Variants in AGBL4 observed in about 807,000 individuals in gnomAD.
AGBL4 encodes cytosolic carboxypeptidase 6.
A neutral mutation model predicts 66.4 loss-of-function variants in AGBL4; 58 were observed. The observed-to-expected ratio is 0.87, with a 90% CI of 0.71 to 1.09. The LOEUF (loss-of-function observed/expected upper bound fraction) is 1.09, where lower values mean the gene tolerates loss of function less well. Ranked by LOEUF, AGBL4 falls within the 50% of genes least tolerant of loss-of-function variation. The pLI is 0.00. For synonymous variants in AGBL4, 234 were observed against 222.9 expected, an observed-to-expected ratio of 1.05 and a Z score of -0.44; for missense variants, 579 against 631.0, an observed-to-expected ratio of 0.92 and a Z score of 0.88.
chr1:48,735,564 G>A (rs1648907532), intron 6 of AGBL4, among the ~76,000 whole-genome samples: 2 of 151,660 alleles, frequency 1.3e-5, no homozygotes, highest in Non-Finnish European at 2.9e-5. Context: ...GAGGGAGGGA[G>A]GAAGAGAAAA....
In AGBL4 at chr1:49,609,330, C is replaced by G. The variant is rs569192145; in HGVS notation, c.282+87983G>C. 1.2e-3 allele frequency among the ~76,000 whole-genome samples: 184 copies of G among 151,830 alleles called. 2 individuals carry two copies. Among genetic ancestry groups the G allele is most frequent in the Non-Finnish European group, 2.6e-4 (18 of 67,968 alleles). ...GTATTTGATGAGAAGGAATAAAAAT[C>G]ACCAACAAATAATTAAGAGAGATTA... On this transcript the variant is annotated intron_variant, in intron 3 of 13. Transcript: ENST00000371839.
At chr1:48,541,900 G>T (rs1436307479) in intron 11 of AGBL4, among the ~76,000 whole-genome samples, 2 of 152,100 alleles carry the variant, frequency 1.3e-5, no homozygotes, top group Non-Finnish European at 2.9e-5. Context: ...GTGCAGGTTT[G>T]TTACATAGGT....
At chr1:48,575,509 G>T (rs1644638959) in intron 11 of AGBL4, among the ~76,000 whole-genome samples, 1 of 152,106 alleles carries the variant, frequency 6.6e-6, no homozygotes, top group South Asian at 2.1e-4. Context: ...GTGGTTGTGG[G>T]TCACTGGTGC....
intron 5 of AGBL4, among the ~76,000 whole-genome samples, chr1:49,045,304 C>T (rs141425364): frequency 1.2e-4 from 18 of 152,270 alleles, no homozygotes; most frequent in African/African-American, 4.3e-4. Flanking sequence ...TGCTAGAGAG[C>T]TTTATCAGCT....
intron 3 of AGBL4, among the ~76,000 whole-genome samples, chr1:49,592,804 T>G (rs749485865): frequency 6.6e-6 from 1 of 152,170 alleles, no homozygotes; most frequent in Non-Finnish European, 1.5e-5. Flanking sequence ...GTAAATTAGT[T>G]CAGCCACTGC....
chr1:48,670,617 AG>A (rs1296406966), intron 6 of AGBL4, among the ~76,000 whole-genome samples: 1 of 152,258 alleles, frequency 6.6e-6, no homozygotes, highest in Non-Finnish European at 1.5e-5. Flanking sequence ...CAGTTTCTAA[AG>A]CCCCCTTCCT....
chr1:49,715,220 G>T (rs571227685), intron 2 of AGBL4, among the ~76,000 whole-genome samples: 1 of 152,010 alleles, frequency 6.6e-6, no homozygotes, highest in Non-Finnish European at 1.5e-5. Flanking sequence ...GTGGTGTTTG[G>T]TTTTCTGTTC....
intron 3 of AGBL4, among the ~76,000 whole-genome samples, chr1:49,288,929 C>T (rs1034043860): frequency 1.1e-4 from 16 of 151,928 alleles, no homozygotes; most frequent in African/African-American, 3.4e-4. Context: ...ATAAAAGCCT[C>T]CACATTTTCC....
intron 6 of AGBL4, among the ~76,000 whole-genome samples, chr1:48,841,093 G>A (rs773957602): frequency 1.1e-4 from 16 of 152,284 alleles, no homozygotes; most frequent in Non-Finnish European, 2.2e-4. Context: ...GAACAGATCA[G>A]TGTTTGCTAG....
intron 1 of AGBL4, among the ~76,000 whole-genome samples, chr1:49,988,306 C>T (rs1296210515): frequency 6.6e-6 from 1 of 152,072 alleles, no homozygotes; most frequent in Non-Finnish European, 1.5e-5. Context: ...TTCCTAAGCA[C>T]AGTATTTGAG....
chr1:49,391,708 C>A (rs1022606149), intron 3 of AGBL4, among the ~76,000 whole-genome samples: 22 of 152,028 alleles, frequency 1.4e-4, no homozygotes, highest in African/African-American at 5.1e-4. Flanking sequence ...ACTACAGGCA[C>A]CGGCCACCAC....
chr1:49,296,383 C>G (rs1211768640), intron 3 of AGBL4, among the ~76,000 whole-genome samples: 1 of 152,142 alleles, frequency 6.6e-6, no homozygotes, highest in East Asian at 1.9e-4. Flanking sequence ...TTGAGCTCAT[C>G]CTCCTTGTCC....
At chr1:49,978,628 A>C (rs1282367322) in intron 1 of AGBL4, among the ~76,000 whole-genome samples, 1 of 152,246 alleles carries the variant, frequency 6.6e-6, no homozygotes, top group African/African-American at 2.4e-5. Context: ...GATATTCAGA[A>C]TAAACAGGTA....
At chr1:49,489,824 T>C (rs1363683437) in intron 3 of AGBL4, among the ~76,000 whole-genome samples, 1 of 151,774 alleles carries the variant, frequency 6.6e-6, no homozygotes, top group Non-Finnish European at 1.5e-5. Context: ...TTAAAATGTG[T>C]TCACTATAGA....
At chr1:49,005,691 T>C (rs1479965983) in intron 5 of AGBL4, among the ~76,000 whole-genome samples, 5 of 152,272 alleles carry the variant, frequency 3.3e-5, no homozygotes. Context: ...ATATATAGGA[T>C]TTTGTACTAT....
At chr1:49,743,261 T>C (rs746958020) in intron 2 of AGBL4, among the ~76,000 whole-genome samples, 2 of 152,140 alleles carry the variant, frequency 1.3e-5, no homozygotes, top group Non-Finnish European at 2.9e-5. Flanking sequence ...CAGACACTTC[T>C]CAAAAGAAGA....
At chr1:48,667,693 GT>G (rs1646210885) in intron 6 of AGBL4, among the ~76,000 whole-genome samples, 1 of 152,198 alleles carries the variant, frequency 6.6e-6, no homozygotes, top group African/African-American at 2.4e-5. Context: ...CCTTAAGTAA[GT>G]TTGCATCTTA....
chr1:48,539,731 C>T lies in AGBL4; in HGVS notation c.1275G>A (p.Lys425=). The T allele has an allele frequency of 1.3e-6, 2 of 1,539,582 alleles. No individual in the cohort carries two copies. Among genetic ancestry groups the T allele is most frequent in the Non-Finnish European group, 8.8e-7 (1 of 1,138,686 alleles). ...AGGTTCTTGCCACATTCCGCCCCAGCTTCATATCTGCAGGTGTGTGCATTA... is the reference window on the plus strand; with the variant it reads ...AGGTTCTTGCCACATTCCGCCCCAGTTTCATATCTGCAGGTGTGTGCATTA... The part of the protein sequence containing the change: ...AVPYTEEAYM[K]LGRNVARTFL... The change falls in exon 12 of 14, where the codon AAG becomes AAA. Residue 425 remains lysine, a synonymous_variant. Transcript: ENST00000371839.
At chr1:49,241,880 G>A (rs1406241557) in intron 4 of AGBL4, among the ~76,000 whole-genome samples, 1 of 151,944 alleles carries the variant, frequency 6.6e-6, no homozygotes, top group African/African-American at 2.4e-5. Flanking sequence ...GTATTATTAT[G>A]TACTTTTTAC....
Sources: allele counts gnomAD v4.1 joint callset (sites outside exome capture counted in the v4.1 genomes callset), GRCh38; gene constraint gnomAD v4.1.1; transcripts MANE v1.5; gene names NCBI Gene and HGNC (gene_info 2026-07-23, HGNC 2026-07-21).